Variants in MTHFS observed in about 807,000 individuals in gnomAD.
MTHFS encodes the protein 5-formyltetrahydrofolate cyclo-ligase.
Under a neutral mutation model 12.7 loss-of-function variants are expected in MTHFS, and 7 were observed. The ratio of observed to expected loss-of-function variants is 0.55; its 90% confidence interval spans 0.31 to 1.03. The LOEUF is 1.03. MTHFS is among the 50% of genes least tolerant of loss of function. MTHFS has a pLI of 0.05. For missense variants in MTHFS, 252 were observed against 258.1 expected, an observed-to-expected ratio of 0.98 and a Z score of 0.16; for synonymous variants, 100 against 97.1, an observed-to-expected ratio of 1.03 and a Z score of -0.18.
At chr15:79,849,683 A>T (rs1455793253) in intron 2 of MTHFS, among the ~76,000 whole-genome samples, 2 of 152,254 alleles carry the variant, frequency 1.3e-5, no homozygotes, top group Non-Finnish European at 2.9e-5. Context: ...GCGTCCACTG[A>T]CAGTGCAATG....
chr15:79,889,847 C>G (rs76354551), intron 1 of MTHFS, among the ~76,000 whole-genome samples: 15 of 152,098 alleles, frequency 9.9e-5, no homozygotes, highest in African/African-American at 1.4e-4. Flanking sequence ...TAACTTCTGC[C>G]GAACCCTTAC....
intron 2 of MTHFS, among the ~76,000 whole-genome samples, chr15:79,874,448 T>C (rs1167727970): frequency 6.6e-6 from 1 of 152,002 alleles, no homozygotes; most frequent in Non-Finnish European, 1.5e-5. Flanking sequence ...CAACAAAAGC[T>C]CCATCCCAGA....
chr15:79,886,652 T>G (rs1414831166), intron 2 of MTHFS, among the ~76,000 whole-genome samples: 2 of 152,226 alleles, frequency 1.3e-5, no homozygotes, highest in Non-Finnish European at 2.9e-5. Flanking sequence ...TTCAGTATCT[T>G]TTCATTTGAC....
intron 2 of MTHFS, among the ~76,000 whole-genome samples, chr15:79,850,819 T>G (rs1266879583): frequency 6.6e-6 from 1 of 151,940 alleles, no homozygotes; most frequent in Admixed American, 6.6e-5. Context: ...CGAAAAAAAA[T>G]GAAGAAGTAA....
chr15:79,878,572 G>A (rs767556088), intron 2 of MTHFS, among the ~76,000 whole-genome samples: 6 of 149,852 alleles, frequency 4.0e-5, no homozygotes, highest in South Asian at 2.1e-4. Flanking sequence ...CCAGGTGGCC[G>A]TATCTCAGGC....
In MTHFS at chr15:79,845,062, T is replaced by C. The variant is rs1231529422; in HGVS notation, c.*148A>G. The C allele has an allele frequency of 4.8e-6, 5 of 1,046,580 alleles. No individual in the cohort carries two copies. The highest frequency in any genetic ancestry group is 3.2e-5 in the African/African-American group (2 of 62,002). 64.8% of individuals were successfully genotyped at this position (1,046,580 alleles called of 1,614,324 possible). ...CTATTGGTTTTTAAAGATGGTTTTA[T>C]ATAAGGTATTTCATAATTACAATTT... On this transcript the variant is annotated 3_prime_UTR_variant, in exon 3 of 3. Coordinates refer to ENST00000258874, the MANE Select transcript of MTHFS (RefSeq NM_006441.4).
chr15:79,880,791 CA>C lies in MTHFS; in HGVS notation c.379+8301del, dbSNP rs200480158. Among the ~76,000 whole-genome samples the C allele has an allele frequency of 7.1e-3, 757 of 106,692 alleles. 9 individuals are homozygous for C. The highest frequency in any genetic ancestry group is 0.024 in the African/African-American group (686 of 28,752). The allele number at this position is 106,692 out of a possible 152,430, so 70.0% of individuals were successfully genotyped here. ...CTCCTAATCCCTGCAAGTAGTAAAGCAAAAAAAAAAAACAAACAAAAAACTT... is the reference window on the plus strand; with the variant it reads ...CTCCTAATCCCTGCAAGTAGTAAAGCAAAAAAAAAAACAAACAAAAAACTT... On this transcript the variant is annotated intron_variant, in intron 2 of 2. Coordinates refer to ENST00000258874, the MANE Select transcript of MTHFS (RefSeq NM_006441.4).
chr15:79,861,289 T>G (rs1032368574), intron 2 of MTHFS, among the ~76,000 whole-genome samples: 1 of 152,082 alleles, frequency 6.6e-6, no homozygotes, highest in Admixed American at 6.5e-5. Flanking sequence ...TCCTAACCAC[T>G]CCTTATCCAT....
chr15:79,890,199 CT>C (rs2034450038), intron 1 of MTHFS, among the ~76,000 whole-genome samples: 1 of 115,496 alleles, frequency 8.7e-6, no homozygotes, highest in Non-Finnish European at 1.8e-5. Flanking sequence ...CCTTCGCTCT[CT>C]TTTTTCCTTT....
chr15:79,890,402 T>A (rs962699496), intron 1 of MTHFS, among the ~76,000 whole-genome samples: 2 of 151,866 alleles, frequency 1.3e-5, no homozygotes, highest in African/African-American at 2.4e-5. Flanking sequence ...TGATTTTTCG[T>A]ATTTTTTGTG....
At chr15:79,895,306 C>T (rs1303935442) in intron 1 of MTHFS, among the ~76,000 whole-genome samples, 1 of 152,198 alleles carries the variant, frequency 6.6e-6, no homozygotes, top group Non-Finnish European at 1.5e-5. Context: ...TCTTGTTCTC[C>T]GAAATTCATC....
chr15:79,854,140 C>A (rs966128840), intron 2 of MTHFS, among the ~76,000 whole-genome samples: 1 of 152,130 alleles, frequency 6.6e-6, no homozygotes, highest in African/African-American at 2.4e-5. Context: ...GTGGTGGAAT[C>A]AGTCAAACTG....
At chr15:79,886,754 G>A (rs2034389235) in intron 2 of MTHFS, among the ~76,000 whole-genome samples, 1 of 152,066 alleles carries the variant, frequency 6.6e-6, no homozygotes, top group Non-Finnish European at 1.5e-5. Flanking sequence ...TCAAATCAGG[G>A]CCTTATCTTT....
Position 79,896,983 on chromosome 15 carries a change from C to A in MTHFS, c.6G>T (p.Ala2=), listed in dbSNP as rs767432688. 43 of 1,528,608 alleles carry A rather than the reference C, an allele frequency of 2.8e-5. No homozygotes were observed. In the South Asian group the frequency reaches 4.6e-4, roughly 16 times the overall value. The allele number at this position is 1,528,608 out of a possible 1,614,324, so 94.7% of individuals were successfully genotyped here. A position where few individuals can be genotyped will look rare whatever the true frequency, so the allele number is the denominator to read the frequency against. Residue 2 remains alanine, a synonymous_variant, in exon 1 of 3, where the codon GCG becomes GCT. Coordinates refer to ENST00000258874, the MANE Select transcript of MTHFS (RefSeq NM_006441.4). ...GCTTGGCGCTGCTCACCGCTGCCGC[C>A]GCCATCTCACGCCCAAGCCGAGTCC... The part of the protein sequence containing the change: M[A]AAAVSSAKRS...
chr15:79,887,832 G>A (rs1460210088), intron 2 of MTHFS, among the ~76,000 whole-genome samples: 2 of 152,282 alleles, frequency 1.3e-5, no homozygotes, highest in East Asian at 3.9e-4. Context: ...AGATCTGAAT[G>A]TATTTTTGGT....
At chr15:79,890,372 T>G (rs1024045643) in intron 1 of MTHFS, among the ~76,000 whole-genome samples, 5 of 151,896 alleles carry the variant, frequency 3.3e-5, no homozygotes, top group African/African-American at 1.2e-4. Context: ...GGACCACAGG[T>G]GCAAACCACC....
intron 2 of MTHFS, among the ~76,000 whole-genome samples, chr15:79,888,065 T>C (rs575381154): frequency 6.6e-6 from 1 of 152,290 alleles, no homozygotes; most frequent in South Asian, 2.1e-4. Flanking sequence ...TAGTCAAAAA[T>C]ATACACCTCT....
At chr15:79,865,809 C>T (rs2033999602) in intron 2 of MTHFS, among the ~76,000 whole-genome samples, 1 of 152,216 alleles carries the variant, frequency 6.6e-6, no homozygotes, top group South Asian at 2.1e-4. Context: ...GCAAAGCTCC[C>T]TCCGGCAGGT....
At chr15:79,896,112 T>C (rs190073229) in intron 1 of MTHFS, among the ~76,000 whole-genome samples, 1 of 152,362 alleles carries the variant, frequency 6.6e-6, no homozygotes, top group East Asian at 1.9e-4. Context: ...AACAGAGGTC[T>C]GCTAACCAAC....
Sources: allele counts gnomAD v4.1 joint callset (sites outside exome capture counted in the v4.1 genomes callset), GRCh38; gene constraint gnomAD v4.1.1; transcripts MANE v1.5; gene names NCBI Gene and HGNC (gene_info 2026-07-23, HGNC 2026-07-21).